Variants in SLC5A6 observed in about 807,000 individuals in gnomAD.
SLC5A6 encodes solute carrier family 5 member 6.
Under a neutral mutation model 67.9 loss-of-function variants are expected in SLC5A6, and 31 were observed. The ratio of observed to expected loss-of-function variants is 0.46; its 90% CI spans 0.34 to 0.62. The LOEUF (loss-of-function observed/expected upper bound fraction) is 0.62, where lower values mean the gene tolerates loss of function less well. Ranked by LOEUF, SLC5A6 falls within the 20% of genes least tolerant of loss-of-function variation. The pLI is 0.01. For missense variants in SLC5A6, 673 were observed against 812.8 expected (o/e 0.83, Z 2.09); for synonymous variants, 343 against 331.0 (o/e 1.04, Z -0.39).
intron 10 of SLC5A6, 124 bp downstream of exon 10, chr2:27,203,655 T>C (rs751894536): frequency 8.1e-6 from 6 of 739,972 alleles, no homozygotes; most frequent in East Asian, 2.6e-5. Context: ...TGCACACAGA[T>C]GGGGCAGGCA....
In SLC5A6 at chr2:27,200,322, T is replaced by G; in HGVS notation, c.*114A>C. 9.4e-7 allele frequency: 1 copy of G among 1,066,002 alleles called. No individual in the cohort carries two copies. The highest frequency in any genetic ancestry group is 1.3e-6 in the Non-Finnish European group (1 of 751,460). The allele number at this position is 1,066,002 out of a possible 1,614,324, so 66.0% of individuals were successfully genotyped here. A position where few individuals can be genotyped will look rare whatever the true frequency, so the allele number is the denominator to read the frequency against. ...CAGAACAAGGTCCTTTGGTATGAGC[T>G]AGATCATCCAGGCCTGTCCCTGCAG... On this transcript the variant is annotated 3_prime_UTR_variant, in exon 17 of 17. Transcript: ENST00000310574.
chr2:27,204,233 G>A (rs571174141), intron 9 of SLC5A6, among the ~76,000 whole-genome samples: 88 of 152,272 alleles, frequency 5.8e-4, no homozygotes, highest in Non-Finnish European at 1.1e-3. Context: ...CCAATGGGGA[G>A]TCAGTAAGGG....
chr2:27,205,377 G>C lies in SLC5A6; in HGVS notation c.707C>G (p.Ser236Cys). Residue 236 changes from serine to cysteine, a missense_variant, in exon 7 of 17, where the codon TCC becomes TGC. By Grantham distance (112) the Ser-to-Cys change is moderately radical (BLOSUM62 -1). Coordinates refer to ENST00000310574, the MANE Select transcript of SLC5A6 (RefSeq NM_021095.4). ...GGLGRVWAVA[S>C]QHGRISGFEL... ...AAACCCAGAGATGCGGCCGTGCTGG[G>C]AAGCCACGGCCCACACACGCCCCAA... 1 of 1,614,128 alleles carries C rather than the reference G, an allele frequency of 6.2e-7. No homozygotes were observed. The highest frequency in any genetic ancestry group is 8.5e-7 in the Non-Finnish European group (1 of 1,180,010).
Position 27,212,206 on chromosome 2 carries a change from G to A in SLC5A6, c.-394C>T. On this transcript the variant is annotated 5_prime_UTR_variant, in exon 1 of 17. Transcript: ENST00000310574. ...TCCCCGAAAGAGGGCTAGGGCGCAT[G>A]AAGACCAGCGCAGAGCTCCACGAGC... The A allele has an allele frequency of 1.9e-6, 3 of 1,555,854 alleles. No homozygotes were observed. The highest frequency in any genetic ancestry group is 2.6e-6 in the Non-Finnish European group (3 of 1,150,302).
rs1382909304 is a variant in SLC5A6, at chr2:27,200,198, A to G, written c.*238T>C. ...TATTTCTGGCATGATCCTGCTCCCTACGAGCCTGATCCTTTAAAAAACAGA... is the reference window on the plus strand; with the variant it reads ...TATTTCTGGCATGATCCTGCTCCCTGCGAGCCTGATCCTTTAAAAAACAGA... On this transcript the variant is annotated 3_prime_UTR_variant, in exon 17 of 17. Coordinates refer to ENST00000310574, the MANE Select transcript of SLC5A6 (RefSeq NM_021095.4). The G allele has an allele frequency of 4.5e-6, 2 of 442,280 alleles. No individual in the cohort carries two copies. The highest frequency in any genetic ancestry group is 4.9e-5 in the South Asian group (1 of 20,366). The allele number at this position is 442,280 out of a possible 1,614,324, so 27.4% of individuals were successfully genotyped here.
At position 27,204,944 on chromosome 2, in the gene SLC5A6, C is replaced by T. The variant is rs778768265; in HGVS notation, c.735-13G>A. 1.9e-6 allele frequency: 3 copies of T among 1,611,474 alleles called. No homozygotes were observed. The highest frequency in any genetic ancestry group is 4.5e-5 in the East Asian group (2 of 44,888). ...GTCTGGATCCAGCCTGTAACAGACA[C>T]CACCCAGTCATTGTGCAAAGCCTGA... On this transcript the variant is annotated splice_polypyrimidine_tract_variant and intron_variant, in intron 7 of 16. Transcript: ENST00000310574.
At chr2:27,205,164 T>A in intron 7 of SLC5A6, 186 bp downstream of exon 7, 1 of 716,790 alleles carries the variant, frequency 1.4e-6, no homozygotes, top group Non-Finnish European at 2.3e-6. Flanking sequence ...ATGTCCTGAC[T>A]CTCTATAAAC....
rs577797451 is a variant in SLC5A6 at position 27,207,370 on chromosome 2, C to T, written c.281G>A (p.Arg94Gln). 1.2e-6 allele frequency: 2 copies of T among 1,614,186 alleles called. No homozygotes were observed. The highest frequency in any genetic ancestry group is 1.7e-6 in the Non-Finnish European group (2 of 1,180,034). The change falls in exon 3 of 17, where the codon CGA (arginine) becomes CAA (glutamine). Residue 94 changes from arginine (R) to glutamine (Q), a missense_variant. Transcript: ENST00000310574. This position sits in a 1 kb window ranked among gnomAD's most constrained non-coding sequence, Gnocchi z 5.5. ...CAGGAACCAATATTGGGTCCCAAAT[C>T]GGTAGATCTCTGACGGCACACCCAG... Reference protein sequence around the residue: ...AILGVPSEIYRFGTQYWFLGC... With the variant: ...AILGVPSEIYQFGTQYWFLGC...
In SLC5A6 at chr2:27,212,077, C is replaced by T. The variant is rs1482312372; in HGVS notation, c.-265G>A. 15 of 1,294,720 alleles carry T rather than the reference C, an allele frequency of 1.2e-5. No homozygotes were observed. Among genetic ancestry groups the T allele is most frequent in the Non-Finnish European group, 1.0e-5 (10 of 968,510 alleles). The allele number at this position is 1,294,720 out of a possible 1,614,324, so 80.2% of individuals were successfully genotyped here. ...AAGCCGCGACCTCGGCGTCCGGACG[C>T]GGGGAACACCGGGCTGAGGGAGTCT... On this transcript the variant is annotated 5_prime_UTR_variant, in exon 1 of 17. Coordinates refer to ENST00000310574, the MANE Select transcript of SLC5A6 (RefSeq NM_021095.4).
At chr2:27,206,692 T>C (rs559470302) in intron 4 of SLC5A6, among the ~76,000 whole-genome samples, 158 bp from the exon 5 acceptor site, 3 of 152,204 alleles carry the variant, frequency 2.0e-5, no homozygotes, top group Non-Finnish European at 4.4e-5. Context: ...GCCACCACAG[T>C]ATCTGTGCTG....
In SLC5A6 at chr2:27,211,967, C is replaced by T; in HGVS notation, c.-208+53G>A. On this transcript the variant is annotated intron_variant, in intron 1 of 16. Transcript: ENST00000310574. The stretch of plus-strand genomic sequence containing the variant: ...GCCCTGGCCGGGAGCCCGCGGGGGC[C>T]CCGCCCCCTGCCCGCCCCCTGCCCG... 3 of 469,518 alleles carry T rather than the reference C, an allele frequency of 6.4e-6. 1 individual carries two copies. Among genetic ancestry groups the T allele is most frequent in the South Asian group, 5.8e-5 (2 of 34,644 alleles). The allele number at this position is 469,518 out of a possible 1,614,324, so 29.1% of individuals were successfully genotyped here.
chr2:27,212,040 C>G lies in SLC5A6; in HGVS notation c.-228G>C. The G allele has an allele frequency of 3.3e-6, 3 of 907,642 alleles. No individual in the cohort carries two copies. In the South Asian group the frequency reaches 5.3e-5, roughly 16 times the overall value. The allele number at this position is 907,642 out of a possible 1,614,324, so 56.2% of individuals were successfully genotyped here. A position where few individuals can be genotyped will look rare whatever the true frequency, so the allele number is the denominator to read the frequency against. On this transcript the variant is annotated 5_prime_UTR_variant, in exon 1 of 17. Coordinates refer to ENST00000310574, the MANE Select transcript of SLC5A6 (RefSeq NM_021095.4). ...TTTACTGAGGGCGGATGGAGGGGCC[C>G]GAGTTTCTGCGAAGCCGCGACCTCG...
At position 27,200,318 on chromosome 2, in the gene SLC5A6, G is replaced by A. The variant is rs1229515751; in HGVS notation, c.*118C>T. On this transcript the variant is annotated 3_prime_UTR_variant, in exon 17 of 17. Transcript: ENST00000310574. ...CTCTCAGAACAAGGTCCTTTGGTAT[G>A]AGCTAGATCATCCAGGCCTGTCCCT... 1 of 1,017,984 alleles carries A rather than the reference G, an allele frequency of 9.8e-7. No homozygotes were observed. The highest frequency in any genetic ancestry group is 1.4e-6 in the Non-Finnish European group (1 of 710,088). 63.1% of individuals were successfully genotyped at this position (1,017,984 alleles called of 1,614,324 possible). A position where few individuals can be genotyped will look rare whatever the true frequency, so the allele number is the denominator to read the frequency against.
At chr2:27,206,122 C>T in intron 5 of SLC5A6, 29 bp from the exon 6 acceptor site, 1 of 1,611,060 alleles carries the variant, frequency 6.2e-7, no homozygotes, top group East Asian at 2.2e-5. Context: ...CATTCTTATC[C>T]CTGGAAAAGG....
Position 27,201,768 on chromosome 2 carries a change from G to A in SLC5A6, c.1442C>T (p.Ser481Phe), listed in dbSNP as rs1395. The change falls in exon 14 of 17, where the codon TCC becomes TTC. Residue 481 changes from serine to phenylalanine, a missense_variant. By Grantham distance (155) the Ser-to-Phe change is radical (BLOSUM62 -2). Coordinates refer to ENST00000310574, the MANE Select transcript of SLC5A6 (RefSeq NM_021095.4). ...ATTAGAGGGAGAGGGTGGCATGCTG[G>A]AGCCCATGCTGGTCACGATGCTCCC... ...GIGSIVTSMG[S>F]SMPPSPSNGS... The A allele has an allele frequency of 0.66, 1,067,529 of 1,613,668 alleles. 364,575 individuals carry two copies. The highest frequency in any genetic ancestry group is 0.87 in the East Asian group (39,204 of 44,840).
At chr2:27,202,712 C>T (rs1177747311) in intron 12 of SLC5A6, 101 bp downstream of exon 12, 2 of 1,018,110 alleles carry the variant, frequency 2.0e-6, no homozygotes, top group Non-Finnish European at 3.1e-6. Context: ...TTACGCCTGC[C>T]CCCCGGTCAT....
intron 2 of SLC5A6, among the ~76,000 whole-genome samples, chr2:27,211,023 C>CAAAATA (rs996159724): frequency 3.9e-5 from 6 of 151,982 alleles, no homozygotes; most frequent in South Asian, 4.1e-4. Context: ...GACTCCGTCT[C>CAAAATA]AAAATAAAAA....
intron 1 of SLC5A6, chr2:27,211,786 A>T (rs1470909785): frequency 5.3e-6 from 1 of 189,414 alleles, no homozygotes; most frequent in Non-Finnish European, 1.1e-5. Context: ...TTAAGATCTC[A>T]GACCCACGCC....
rs1572395343 is a variant in SLC5A6 at position 27,207,117 on chromosome 2, A to G, written c.393+141T>C. The stretch of plus-strand genomic sequence containing the variant: ...CCCCTATACCTAACATCACTGAGAA[A>G]GAATTATAAACACACAATGAGTTTT... On this transcript the variant is annotated intron_variant, in intron 3 of 16. Transcript: ENST00000310574. The surrounding 1 kb of genome is among the most constrained non-coding windows in gnomAD (Gnocchi z 5.5). 9.2e-7 allele frequency: 1 copy of G among 1,090,608 alleles called. No individual in the cohort carries two copies. The highest frequency in any genetic ancestry group is 1.4e-6 in the Non-Finnish European group (1 of 733,368). The allele number at this position is 1,090,608 out of a possible 1,614,324, so 67.6% of individuals were successfully genotyped here.
Sources: gnomAD v4.1 joint callset for allele counts (sites outside exome capture counted in the v4.1 genomes callset) on GRCh38, gnomAD v4.1.1 for gene constraint, Gnocchi (gnomAD v3.1) non-coding constraint, MANE v1.5 for transcripts, NCBI Gene and HGNC (gene_info 2026-07-23, HGNC 2026-07-21) for gene names.